The following PRKCH variants were observed in gnomAD, a reference collection of about 807,000 sequenced individuals.
PRKCH encodes protein kinase C eta.
PRKCH carries 28 observed loss-of-function variants against 82.5 expected under a neutral mutation model. The ratio of observed to expected loss-of-function variants is 0.34; its 90% CI spans 0.25 to 0.47. PRKCH has a LOEUF of 0.47. Ranked by LOEUF, PRKCH falls within the 20% of genes least tolerant of loss-of-function variation. The probability of loss-of-function intolerance (pLI) is 1.00; values close to 1 mark genes in which losing one functional copy is unlikely to be tolerated. For missense variants in PRKCH, 705 were observed against 881.8 expected, an observed-to-expected ratio of 0.80 and a Z score of 2.54; for synonymous variants, 322 against 327.4, an observed-to-expected ratio of 0.98 and a Z score of 0.18.
At chr14:61,448,187 G>T (rs1394363877) in intron 4 of PRKCH, among the ~76,000 whole-genome samples, 2 of 152,204 alleles carry the variant, frequency 1.3e-5, no homozygotes, top group Non-Finnish European at 2.9e-5. Flanking sequence ...ATGAAAGCTA[G>T]ATTTGTTTTA....
chr14:61,466,882 C>T (rs1885287174), intron 9 of PRKCH, among the ~76,000 whole-genome samples: 1 of 152,116 alleles, frequency 6.6e-6, no homozygotes, highest in South Asian at 2.1e-4. Context: ...CGTAAGAAAC[C>T]ACTTCTCAAA....
intron 1 of PRKCH, among the ~76,000 whole-genome samples, chr14:61,291,297 C>A (rs1023591449): frequency 6.9e-6 from 1 of 145,960 alleles, no homozygotes. Flanking sequence ...TAGCTAAGAT[C>A]AATTGTCTAT....
intron 1 of PRKCH, among the ~76,000 whole-genome samples, chr14:61,242,193 A>G (rs1270044699): frequency 6.6e-6 from 1 of 152,088 alleles, no homozygotes; most frequent in Non-Finnish European, 1.5e-5. Context: ...AAGAGTCCCA[A>G]ATTTGCTCTG....
At chr14:61,243,399 AAAAG>A (rs1381962993) in intron 1 of PRKCH, among the ~76,000 whole-genome samples, 4 of 151,060 alleles carry the variant, frequency 2.6e-5, no homozygotes, top group Middle Eastern at 3.4e-3. Context: ...AAAAAAAAAA[AAAAG>A]AAAAAGAAAA....
At chr14:61,332,579 C>T (rs1467606971) in intron 1 of PRKCH, among the ~76,000 whole-genome samples, 1 of 152,158 alleles carries the variant, frequency 6.6e-6, no homozygotes, top group Non-Finnish European at 1.5e-5. Flanking sequence ...TTAGTTTGTG[C>T]TTGTGGTAAA....
At chr14:61,513,931 G>A (rs530891407) in intron 10 of PRKCH, among the ~76,000 whole-genome samples, 1 of 152,034 alleles carries the variant, frequency 6.6e-6, no homozygotes, top group African/African-American at 2.4e-5. Flanking sequence ...CCATCCCATC[G>A]TTTTACAGAT....
In PRKCH at chr14:61,280,302, G is replaced by A; in HGVS notation, c.-19+92634G>A. On this transcript the variant is annotated intron_variant, in intron 1 of 3. Coordinates refer to the PRKCH transcript ENST00000555185. This position sits in a 1 kb window ranked among gnomAD's most constrained non-coding sequence, Gnocchi z 5.0. ...AGTTGTAGGTGATGTTGACGCGGTA[G>A]GCGCCCCGCGGCAGCCCGGCCGAGT... The A allele has an allele frequency of 2.5e-6, 4 of 1,613,810 alleles. No homozygotes were observed. Among genetic ancestry groups the A allele is most frequent in the South Asian group, 1.1e-5 (1 of 91,056 alleles).
chr14:61,379,215 C>T (rs188210041), intron 1 of PRKCH, among the ~76,000 whole-genome samples: 49 of 152,248 alleles, frequency 3.2e-4, no homozygotes, highest in Admixed American at 3.1e-3. Flanking sequence ...TGCCCCCCCT[C>T]CCCAGGTCCA....
At chr14:61,383,292 G>A (rs1367899074) in intron 1 of PRKCH, among the ~76,000 whole-genome samples, 1 of 152,154 alleles carries the variant, frequency 6.6e-6, no homozygotes, top group Non-Finnish European at 1.5e-5. Context: ...GAGGTGGTCA[G>A]ATGACCTTAT....
At chr14:61,407,575 G>A (rs993515462) in intron 2 of PRKCH, among the ~76,000 whole-genome samples, 2 of 152,186 alleles carry the variant, frequency 1.3e-5, no homozygotes, top group South Asian at 4.1e-4. Context: ...CTCAGCCAGA[G>A]TGTGAAAGGA....
chr14:61,404,024 C>A (rs144220391), intron 2 of PRKCH, among the ~76,000 whole-genome samples: 18 of 152,304 alleles, frequency 1.2e-4, no homozygotes, highest in Admixed American at 2.6e-4. Flanking sequence ...ATGAACAAGA[C>A]AGTAGAGTTT....
At chr14:61,212,169 A>G (rs1248658232) in intron 1 of PRKCH, among the ~76,000 whole-genome samples, 1 of 152,218 alleles carries the variant, frequency 6.6e-6, no homozygotes, top group East Asian at 1.9e-4. Flanking sequence ...TCGCACATGG[A>G]AAAACACAAT....
intron 9 of PRKCH, among the ~76,000 whole-genome samples, chr14:61,480,176 C>T (rs1165316725): frequency 6.6e-6 from 1 of 152,152 alleles, no homozygotes; most frequent in Non-Finnish European, 1.5e-5. Context: ...TGGTTCTATG[C>T]ACAGGTTTAA....
At chr14:61,504,199 T>C (rs1887039111) in intron 10 of PRKCH, among the ~76,000 whole-genome samples, 1 of 151,958 alleles carries the variant, frequency 6.6e-6, no homozygotes, top group African/African-American at 2.4e-5. Flanking sequence ...TTATTGGGTT[T>C]TTTTTTCTTG....
rs879387604 is a variant in PRKCH, at chr14:61,374,062, C to T, written c.364-17163C>T. ...GGGGTACAGGCATTGGGTAAATGCTCCCACTGCAAAAGGGAGAAATTGGCC... is the reference window on the plus strand; with the variant it reads ...GGGGTACAGGCATTGGGTAAATGCTTCCACTGCAAAAGGGAGAAATTGGCC... On this transcript the variant is annotated intron_variant, in intron 1 of 13. Coordinates refer to ENST00000332981, the MANE Select transcript of PRKCH (RefSeq NM_006255.5). Among the ~76,000 whole-genome samples the T allele has an allele frequency of 7.0e-4, 107 of 152,108 alleles. 1 individual carries two copies. The highest frequency in any genetic ancestry group is 3.8e-4 in the Non-Finnish European group (26 of 68,032).
At chr14:61,257,154 T>C (rs1184735152) in intron 1 of PRKCH, among the ~76,000 whole-genome samples, 3 of 152,232 alleles carry the variant, frequency 2.0e-5, no homozygotes, top group Non-Finnish European at 4.4e-5. Flanking sequence ...CATGAAATGA[T>C]TGGTTCTTCT....
At chr14:61,337,344 G>T (rs1472209238) in intron 1 of PRKCH, among the ~76,000 whole-genome samples, 1 of 152,036 alleles carries the variant, frequency 6.6e-6, no homozygotes, top group Non-Finnish European at 1.5e-5. Flanking sequence ...TTGCCATGTT[G>T]CTTAGGCTGA....
At chr14:61,476,154 G>A (rs756255641) in intron 9 of PRKCH, among the ~76,000 whole-genome samples, 13 of 152,182 alleles carry the variant, frequency 8.5e-5, no homozygotes, top group Middle Eastern at 3.2e-3. Context: ...TGGGTGAAAC[G>A]AATCTTGGCA....
chr14:61,210,678 A>G (rs1235925099), intron 1 of PRKCH, among the ~76,000 whole-genome samples: 1 of 152,168 alleles, frequency 6.6e-6, no homozygotes, highest in Non-Finnish European at 1.5e-5. Flanking sequence ...TCCAAGTCCC[A>G]TAATGAGTCA....
Sources: gnomAD v4.1 joint callset for allele counts (sites outside exome capture counted in the v4.1 genomes callset) on GRCh38, gnomAD v4.1.1 for gene constraint, Gnocchi (gnomAD v3.1) non-coding constraint, MANE v1.5 for transcripts, NCBI Gene and HGNC (gene_info 2026-07-23, HGNC 2026-07-21) for gene names.